Variants in NRXN1 observed in about 807,000 individuals in gnomAD.
NRXN1 encodes neurexin 1, also known as neurexin-1.
Under a neutral mutation model 150.9 loss-of-function variants are expected in NRXN1, and 39 were observed. The ratio of observed to expected loss-of-function variants is 0.26; its 90% CI spans 0.20 to 0.34. The LOEUF (loss-of-function observed/expected upper bound fraction) is 0.34. NRXN1 is among the 10% of genes least tolerant of loss of function. The pLI, the probability that NRXN1 is intolerant of heterozygous loss-of-function variation, is 1.00. For synonymous variants in NRXN1, 924 were observed against 757.0 expected (o/e 1.22, Z -3.62); for missense variants, 1,815 against 1,949.9 (o/e 0.93, Z 1.30).
At chr2:50,641,981 T>C (rs1445863302) in intron 5 of NRXN1, among the ~76,000 whole-genome samples, 3 of 152,112 alleles carry the variant, frequency 2.0e-5, no homozygotes, top group African/African-American at 7.2e-5. Flanking sequence ...ATCCTAGAGA[T>C]TTCCCTGAAT....
At chr2:50,048,335 A>T (rs1381901466) in intron 21 of NRXN1, among the ~76,000 whole-genome samples, 2 of 152,160 alleles carry the variant, frequency 1.3e-5, no homozygotes, top group Non-Finnish European at 2.9e-5. Context: ...TAAATTAATT[A>T]TTCATGTCAC....
chr2:50,158,418 T>A (rs1044828605), intron 18 of NRXN1, among the ~76,000 whole-genome samples: 4 of 151,744 alleles, frequency 2.6e-5, no homozygotes, highest in Non-Finnish European at 5.9e-5. Context: ...ATTTACTTCA[T>A]AAAACACCAA....
chr2:50,828,432 C>T (rs1411635280), intron 5 of NRXN1, among the ~76,000 whole-genome samples: 5 of 151,128 alleles, frequency 3.3e-5, no homozygotes, highest in Non-Finnish European at 7.4e-5. Context: ...ACTTCTCAGA[C>T]GGGGCGGCTG....
chr2:49,927,526 A>G, intron 22 of NRXN1, among the ~76,000 whole-genome samples: 1 of 152,242 alleles, frequency 6.6e-6, no homozygotes, highest in Non-Finnish European at 1.5e-5. Context: ...AATTTGAAAG[A>G]TAGATACATT....
At position 50,045,163 on chromosome 2, in the gene NRXN1, CAACAACAA is replaced by C. The variant is rs1691617180; in HGVS notation, c.4128+8100_4128+8107del. Reference sequence around the variant, plus strand: ...GAGAACTTTTCAGTGATACCAACAACAACAACAACAACAACAACAACAAAACTAACATA... The same window carrying C: ...GAGAACTTTTCAGTGATACCAACAACCAACAACAACAACAAAACTAACATA... On this transcript the variant is annotated intron_variant, in intron 21 of 22. Coordinates refer to ENST00000401669, the MANE Select transcript of NRXN1 (RefSeq NM_001330078.2). Among the ~76,000 whole-genome samples, 3 of 24,530 alleles carry C rather than the reference CAACAACAA, an allele frequency of 1.2e-4. No individual in the cohort carries two copies. The Admixed American group carries it at 1.4e-3, about 11-fold the overall frequency. 16.1% of individuals were successfully genotyped at this position (24,530 alleles called of 152,430 possible). A position where few individuals can be genotyped will look rare whatever the true frequency, so the allele number is the denominator to read the frequency against.
At chr2:50,485,557 G>A (rs532286416) in intron 15 of NRXN1, among the ~76,000 whole-genome samples, 8 of 152,308 alleles carry the variant, frequency 5.3e-5, no homozygotes, top group East Asian at 1.9e-4. Flanking sequence ...GGAATGGAAC[G>A]GAAATGAGAG....
At chr2:50,993,990 C>A (rs912748619) in intron 2 of NRXN1, among the ~76,000 whole-genome samples, 8 of 151,950 alleles carry the variant, frequency 5.3e-5, no homozygotes, top group African/African-American at 1.9e-4. Context: ...CACTTCCATT[C>A]CCAAAATACA....
At chr2:50,829,888 G>A (rs1671145148) in intron 5 of NRXN1, among the ~76,000 whole-genome samples, 1 of 150,494 alleles carries the variant, frequency 6.6e-6, no homozygotes, top group Non-Finnish European at 1.5e-5. Context: ...ATCCAATTAA[G>A]TGTGCTCTGT....
intron 21 of NRXN1, among the ~76,000 whole-genome samples, chr2:50,009,174 C>G (rs552401077): frequency 1.6e-3 from 246 of 152,220 alleles, no homozygotes; most frequent in African/African-American, 5.7e-3. Context: ...TTGGACTAGA[C>G]TTTACCATGG....
At chr2:50,683,750 A>G (rs138954684) in intron 5 of NRXN1, among the ~76,000 whole-genome samples, 167 of 147,784 alleles carry the variant, frequency 1.1e-3, no homozygotes, top group African/African-American at 4.0e-3. Context: ...AGCTGCCCCA[A>G]AGGACTGACT....
chr2:50,985,552 T>C (rs1043675913), intron 2 of NRXN1: 1 of 151,604 alleles, frequency 6.6e-6, no homozygotes, highest in African/African-American at 2.4e-5. Flanking sequence ...CTCAGAAATA[T>C]TAATATCAAT....
chr2:50,867,843 A>G (rs1302413913), intron 5 of NRXN1, among the ~76,000 whole-genome samples: 1 of 151,842 alleles, frequency 6.6e-6, no homozygotes, highest in Non-Finnish European at 1.5e-5. Flanking sequence ...TATTTTTGAC[A>G]GCAATTAATT....
intron 2 of NRXN1, among the ~76,000 whole-genome samples, chr2:50,978,297 T>C (rs1187154448): frequency 8.3e-6 from 1 of 120,180 alleles, no homozygotes; most frequent in Non-Finnish European, 1.8e-5. Context: ...TATATATATA[T>C]ATATATATAA....
intron 17 of NRXN1, among the ~76,000 whole-genome samples, chr2:50,279,761 C>G (rs1343712369): frequency 6.6e-6 from 1 of 152,072 alleles, no homozygotes. Flanking sequence ...TGCCAAGAAT[C>G]ATTTTCAAAT....
chr2:50,231,203 T>C (rs1465048744), intron 18 of NRXN1, among the ~76,000 whole-genome samples: 1 of 148,506 alleles, frequency 6.7e-6, no homozygotes, highest in Non-Finnish European at 1.5e-5. Context: ...AGAAAGAGTA[T>C]TTCAAATGGA....
chr2:50,648,810 C>T (rs546620384), intron 5 of NRXN1, among the ~76,000 whole-genome samples: 1 of 151,160 alleles, frequency 6.6e-6, no homozygotes, highest in South Asian at 2.1e-4. Context: ...AACTGCGAAG[C>T]CAAGGACTTG....
chr2:50,386,386 G>A (rs1038250674), intron 17 of NRXN1, among the ~76,000 whole-genome samples: 3 of 151,908 alleles, frequency 2.0e-5, no homozygotes, highest in Admixed American at 6.6e-5. Flanking sequence ...CTCAACACAA[G>A]CCAATCATGA....
At chr2:50,570,571 G>A (rs1489608084) in intron 8 of NRXN1, among the ~76,000 whole-genome samples, 1 of 152,076 alleles carries the variant, frequency 6.6e-6, no homozygotes, top group Admixed American at 6.6e-5. Context: ...TCTTTGCTTT[G>A]CTGTGTGGTT....
At chr2:50,530,669 G>A (rs1558888579) in intron 11 of NRXN1, among the ~76,000 whole-genome samples, 1 of 152,170 alleles carries the variant, frequency 6.6e-6, no homozygotes, top group East Asian at 1.9e-4. Context: ...TTTGGGCATT[G>A]AAGGGCTGTG....
Sources: allele counts gnomAD v4.1 joint callset (sites outside exome capture counted in the v4.1 genomes callset), GRCh38; gene constraint gnomAD v4.1.1; transcripts MANE v1.5; gene names NCBI Gene and HGNC (gene_info 2026-07-23, HGNC 2026-07-21).